The following HIPK4 variants were observed in gnomAD, a reference collection of about 807,000 sequenced individuals.
HIPK4 encodes the protein homeodomain-interacting protein kinase 4.
HIPK4 carries 26 observed loss-of-function variants against 44.8 expected under a neutral mutation model. The ratio of observed to expected loss-of-function variants is 0.58; its 90% CI spans 0.43 to 0.80. The LOEUF (loss-of-function observed/expected upper bound fraction) is 0.80. Ranked by LOEUF, HIPK4 falls within the 30% of genes least tolerant of loss-of-function variation. HIPK4 has a pLI of 0.00. For missense variants in HIPK4, 729 were observed against 862.6 expected, an observed-to-expected ratio of 0.85 and a Z score of 1.94; for synonymous variants, 340 against 355.5, an observed-to-expected ratio of 0.96 and a Z score of 0.49.
chr19:40,379,875 T>C (rs1259918301), intron 3 of HIPK4, 106 bp from the exon 4 acceptor site: 61 of 1,209,924 alleles, frequency 5.0e-5, no homozygotes, highest in Non-Finnish European at 6.6e-5. Context: ...GCTAGGGTCT[T>C]ACCAGTGCTG....
In HIPK4 at chr19:40,379,508, C is replaced by G; in HGVS notation, c.*79G>C. 1 of 1,209,186 alleles carries G rather than the reference C, an allele frequency of 8.3e-7. No individual in the cohort carries two copies. The highest frequency in any genetic ancestry group is 1.6e-5 in the African/African-American group (1 of 64,052). The allele number at this position is 1,209,186 out of a possible 1,614,324, so 74.9% of individuals were successfully genotyped here. A position where few individuals can be genotyped will look rare whatever the true frequency, so the allele number is the denominator to read the frequency against. ...TAATTTGTGGGTTCAGGAGATGGCT[C>G]TGAGGAGCAGTTCAGGTTGGGAGGG... is the stretch of plus-strand genomic sequence containing the variant. On this transcript the variant is annotated 3_prime_UTR_variant, in exon 4 of 4. Transcript: ENST00000291823.
rs145500969 is a variant in HIPK4 at position 40,380,138 on chromosome 19, G to A, written c.1668+185C>T. The stretch of plus-strand genomic sequence containing the variant: ...TCACAGCCTGGAAGTAGCTGAGTAA[G>A]TGCTGAGCCTTATCATATCTTGACG... On this transcript the variant is annotated intron_variant, in intron 3 of 3. Transcript: ENST00000291823. The surrounding 1 kb of genome is among the most constrained non-coding windows in gnomAD (Gnocchi z 4.2). Among the ~76,000 whole-genome samples, 440 of 152,250 alleles carry A rather than the reference G, an allele frequency of 2.9e-3. 2 individuals are homozygous for A. The highest frequency in any genetic ancestry group is 9.9e-3 in the African/African-American group (412 of 41,528).
chr19:40,380,815 G>A lies in HIPK4; in HGVS notation c.1176C>T (p.Tyr392=), dbSNP rs771599017. The A allele has an allele frequency of 5.6e-6, 9 of 1,612,780 alleles. No individual in the cohort carries two copies. The highest frequency in any genetic ancestry group is 1.1e-5 in the South Asian group (1 of 91,070). The part of the protein sequence containing the change: ...PVVAAEDGTP[Y]YCLAEEKEAA... Reference sequence around the variant, plus strand: ...CCTCCTTCTCCTCAGCCAGACAGTAGTAGGGGGTCCCATCTTCTGCGGCCA... The same window carrying A: ...CCTCCTTCTCCTCAGCCAGACAGTAATAGGGGGTCCCATCTTCTGCGGCCA... The change falls in exon 3 of 4, where the codon TAC becomes TAT. Residue 392 remains tyrosine (Y), a synonymous_variant. Coordinates refer to ENST00000291823, the MANE Select transcript of HIPK4 (RefSeq NM_144685.5). The surrounding 1 kb of genome is among the most constrained non-coding windows in gnomAD (Gnocchi z 4.2).
Position 40,380,394 on chromosome 19 carries a change from C to G in HIPK4, c.1597G>C (p.Ala533Pro). 6.2e-7 allele frequency: 1 copy of G among 1,614,252 alleles called. No homozygotes were observed. The highest frequency in any genetic ancestry group is 8.5e-7 in the Non-Finnish European group (1 of 1,180,040). ...CGCTGCAGGATGGCCAGTGGCTCAG[C>G]AGAGGCCCCGAGATGCTCTCCTTCC... Reference protein sequence around the residue: ...WEEGEHLGASAEPLAILQRDE... With the variant: ...WEEGEHLGASPEPLAILQRDE... The change falls in exon 3 of 4, where the codon GCT (alanine) becomes CCT (proline). Residue 533 changes from alanine (A) to proline (P), a missense_variant. Around this residue, in one of 2 missense-constraint regions of HIPK4, gnomAD observed 533 missense variants for 567.5 expected, o/e 0.94. Coordinates refer to ENST00000291823, the MANE Select transcript of HIPK4 (RefSeq NM_144685.5). The surrounding 1 kb of genome is among the most constrained non-coding windows in gnomAD (Gnocchi z 4.2).
chr19:40,383,753 C>G (rs750222296), intron 2 of HIPK4, 30 bp downstream of exon 2: 6 of 1,554,774 alleles, frequency 3.9e-6, no homozygotes, highest in Non-Finnish European at 5.3e-6. Context: ...AGCCCCCACA[C>G]TGACTGCCCT....
chr19:40,386,164 G>A (rs1414999675), intron 1 of HIPK4, among the ~76,000 whole-genome samples: 1 of 152,082 alleles, frequency 6.6e-6, no homozygotes, highest in Non-Finnish European at 1.5e-5. Flanking sequence ...CCACCTACTG[G>A]ATTCAAGTGA....
At chr19:40,381,593 CTT>C (rs1283517443) in intron 2 of HIPK4, among the ~76,000 whole-genome samples, 1 of 152,102 alleles carries the variant, frequency 6.6e-6, no homozygotes, top group Non-Finnish European at 1.5e-5. Flanking sequence ...CTGCCATTGA[CTT>C]TTAGTCTCAC....
chr19:40,383,802 T>TCAGC lies in HIPK4; in HGVS notation c.799_802dup (p.Asp268GlyfsTer2). The TCAGC allele has an allele frequency of 6.2e-7, 1 of 1,608,894 alleles. No homozygotes were observed. ...CCTTACCTTCGTCTCGGCCAGGTAG[T>TCAGC]CAGCCGAGGACTTGAGCTGCCAGGG... On this transcript the variant is annotated stop_gained and frameshift_variant, in exon 2 of 4. Transcript: ENST00000291823. LOFTEE classifies it high-confidence loss of function.
chr19:40,379,709 C>A lies in HIPK4; in HGVS notation c.1729G>T (p.Asp577Tyr), dbSNP rs759681400. 1 of 1,609,478 alleles carries A rather than the reference C, an allele frequency of 6.2e-7. No individual in the cohort carries two copies. Among genetic ancestry groups the A allele is most frequent in the Non-Finnish European group, 8.5e-7 (1 of 1,178,696 alleles). ...SCPGEWLSEP[D>Y]CTLESVRGPR... ...CCCCTGACGCTCTCCAGGGTGCAGT[C>A]TGGCTCACTCAGCCATTCTCCAGGA... Residue 577 changes from aspartate to tyrosine, a missense_variant, in exon 4 of 4, where the codon GAC (aspartate) becomes TAC (tyrosine). Asp to Tyr is a radical substitution (Grantham distance 160). Transcript: ENST00000291823.
Position 40,380,430 on chromosome 19 carries a change from T to G in HIPK4, c.1561A>C (p.Ser521Arg). ...AGATGCTCTCCTTCCTCCCAGCTGC[T>G]GCCCCGGCAGGGCCTGTCATCCTCA... ...SPEDDRPCRGSSWEEGEHLGA... is the reference protein window; with the variant it reads ...SPEDDRPCRGRSWEEGEHLGA... The change falls in exon 3 of 4, where the codon AGC (serine) becomes CGC (arginine). Residue 521 changes from serine (S) to arginine (R), a missense_variant. This residue lies in a region of HIPK4 where 533 missense variants were observed against 567.5 expected (regional missense o/e 0.94). Transcript: ENST00000291823. This position sits in a 1 kb window ranked among gnomAD's most constrained non-coding sequence, Gnocchi z 4.2. 6.2e-7 allele frequency: 1 copy of G among 1,614,156 alleles called. No individual in the cohort carries two copies. The highest frequency in any genetic ancestry group is 8.5e-7 in the Non-Finnish European group (1 of 1,180,024).
At chr19:40,384,394 C>T (rs1381222135) in intron 1 of HIPK4, among the ~76,000 whole-genome samples, 2 of 152,142 alleles carry the variant, frequency 1.3e-5, no homozygotes, top group African/African-American at 4.8e-5. Flanking sequence ...ACCTCCACCT[C>T]CCCGGTTCAA....
rs1325764906 is a variant in HIPK4 at position 40,384,136 on chromosome 19, T to C, written c.469A>G (p.Ile157Val). 7 of 1,572,530 alleles carry C rather than the reference T, an allele frequency of 4.5e-6. No individual in the cohort carries two copies. The South Asian group carries it at 7.1e-5, about 16-fold the overall frequency. The change falls in exon 2 of 4, where the codon ATT becomes GTT. Residue 157 changes from isoleucine (I) to valine (V), a missense_variant. Transcript: ENST00000291823. Reference sequence around the variant, plus strand: ...AAAATGCTGGCGGATCCGAAGTCAATCACCTGTCGGGGGTGGGGAAGAGGG... The same window carrying C: ...AAAATGCTGGCGGATCCGAAGTCAACCACCTGTCGGGGGTGGGGAAGAGGG... ...QTRCPFRVKV[I>V]DFGSASIFSE...
chr19:40,379,593 G>T lies in HIPK4; in HGVS notation c.1845C>A (p.His615Gln). Reference protein sequence around the residue: ...ATSFLQHVTGHH With the variant: ...ATSFLQHVTGQH ...GGCAGGGGTGGAATCACCATCAGTGGTGCCCGGTGACATGCTGGAGGAAGC... is the reference window on the plus strand; with the variant it reads ...GGCAGGGGTGGAATCACCATCAGTGTTGCCCGGTGACATGCTGGAGGAAGC... Residue 615 changes from histidine to glutamine, a missense_variant, in exon 4 of 4, where the codon CAC (histidine) becomes CAA (glutamine). Physicochemically the swap from His to Gln is conservative, Grantham distance 24 (BLOSUM62 0). Transcript: ENST00000291823. The T allele has an allele frequency of 6.5e-7, 1 of 1,532,988 alleles. No individual in the cohort carries two copies. The highest frequency in any genetic ancestry group is 2.1e-5 in the Admixed American group (1 of 47,808). 95.0% of individuals were successfully genotyped at this position (1,532,988 alleles called of 1,614,324 possible).
chr19:40,385,737 T>G (rs1343652554), intron 1 of HIPK4, among the ~76,000 whole-genome samples: 6 of 148,246 alleles, frequency 4.0e-5, no homozygotes, highest in Non-Finnish European at 7.4e-5. Flanking sequence ...GACAGAGTTT[T>G]GCTCTTGTCA....
At position 40,380,838 on chromosome 19, in the gene HIPK4, C is replaced by G; in HGVS notation, c.1153G>C (p.Ala385Pro). Reference protein sequence around the residue: ...VEGKPPTPVVAAEDGTPYYCL... With the variant: ...VEGKPPTPVVPAEDGTPYYCL... ...TAGTAGGGGGTCCCATCTTCTGCGG[C>G]CACGACGGGCGTGGGGGGCTTCCCC... The change falls in exon 3 of 4, where the codon GCC becomes CCC. Residue 385 changes from alanine (A) to proline (P), a missense_variant. Ala to Pro is a conservative substitution (Grantham distance 27, BLOSUM62 -1). Around this residue, in one of 2 missense-constraint regions of HIPK4, gnomAD observed 533 missense variants for 567.5 expected, o/e 0.94. Transcript: ENST00000291823. The surrounding 1 kb of genome is among the most constrained non-coding windows in gnomAD (Gnocchi z 4.2). The G allele has an allele frequency of 2.5e-6, 4 of 1,610,480 alleles. No individual in the cohort carries two copies. The highest frequency in any genetic ancestry group is 3.4e-6 in the Non-Finnish European group (4 of 1,176,996).
chr19:40,379,907 G>A, intron 3 of HIPK4, 138 bp from the exon 4 acceptor site: 4 of 909,066 alleles, frequency 4.4e-6, no homozygotes, highest in East Asian at 2.8e-5. Context: ...CCCCTTTGTA[G>A]TGATGTGATG....
In HIPK4 at chr19:40,383,865, T is replaced by C; in HGVS notation, c.740A>G (p.His247Arg). The C allele has an allele frequency of 6.2e-7, 1 of 1,614,144 alleles. No homozygotes were observed. The highest frequency in any genetic ancestry group is 8.5e-7 in the Non-Finnish European group (1 of 1,180,018). ...HLLHAACKAH[H>R]FFKRNPHPDA... ...AGGGTGGGGGTTGCGCTTGAAGAAG[T>C]GGTGGGCCTTGCAGGCGGCGTGCAA... The change falls in exon 2 of 4, where the codon CAC (histidine) becomes CGC (arginine). Residue 247 changes from histidine to arginine, a missense_variant. Coordinates refer to ENST00000291823, the MANE Select transcript of HIPK4 (RefSeq NM_144685.5).
At chr19:40,383,373 C>T (rs1428294162) in intron 2 of HIPK4, among the ~76,000 whole-genome samples, 1 of 152,060 alleles carries the variant, frequency 6.6e-6, no homozygotes, top group East Asian at 1.9e-4. Context: ...TAAGCCACCA[C>T]ACCCAGCCTC....
chr19:40,389,591 G>A lies in HIPK4; in HGVS notation c.312C>T (p.Asn104=), dbSNP rs1599646648. ...TGTGGCGGGCGGGGAGGGGCGCGAAGTTGTTCTCCTTCTGGAACTCGAAAA... is the reference window on the plus strand; with the variant it reads ...TGTGGCGGGCGGGGAGGGGCGCGAAATTGTTCTCCTTCTGGAACTCGAAAA... ...QNLFEFQKEN[N]FAPLPARHIR... Residue 104 remains asparagine (N), a synonymous_variant, in exon 1 of 4, where the codon AAC becomes AAT. Coordinates refer to ENST00000291823, the MANE Select transcript of HIPK4 (RefSeq NM_144685.5). This position sits in a 1 kb window ranked among gnomAD's most constrained non-coding sequence, Gnocchi z 4.6. 2.5e-6 allele frequency: 4 copies of A among 1,614,136 alleles called. No homozygotes were observed. The highest frequency in any genetic ancestry group is 3.4e-6 in the Non-Finnish European group (4 of 1,180,026).
Sources: allele counts gnomAD v4.1 joint callset (sites outside exome capture counted in the v4.1 genomes callset), GRCh38; gene constraint gnomAD v4.1.1; regional missense constraint gnomAD v4.1.1; non-coding constraint Gnocchi (gnomAD v3.1); transcripts MANE v1.5; gene names NCBI Gene and HGNC (gene_info 2026-07-23, HGNC 2026-07-21).